BIN1: variants seen among roughly 807,000 people sequenced by gnomAD.
The protein encoded by BIN1 is bridging integrator 1, also known as myc box-dependent-interacting protein 1.
BIN1 carries 53 observed loss-of-function variants against 82.0 expected under a neutral mutation model. The ratio of observed to expected loss-of-function variants is 0.65; its 90% CI spans 0.52 to 0.81. The LOEUF (loss-of-function observed/expected upper bound fraction) is 0.81. BIN1 is among the 40% of genes least tolerant of loss of function. BIN1 has a pLI of 0.00. For synonymous variants in BIN1, 302 were observed against 328.0 expected (o/e 0.92, Z 0.86); for missense variants, 642 against 784.4 (o/e 0.82, Z 2.17).
chr2:127,050,570 C>A, intron 17 of BIN1, 48 bp from the exon 18 acceptor site: 1 of 1,601,556 alleles, frequency 6.2e-7, no homozygotes, highest in Non-Finnish European at 8.6e-7. Context: ...CCACCTCCAG[C>A]CCTGCACAGA....
At chr2:127,081,778 C>T in intron 1 of BIN1, 1 of 1,283,258 alleles carries the variant, frequency 7.8e-7, no homozygotes, top group South Asian at 1.2e-5. Context: ...AATCTCCCTC[C>T]CAGGCACCCA....
Position 127,079,376 on chromosome 2 carries a change from C to T in BIN1, c.85-2670G>A, listed in dbSNP as rs75416520. On this transcript the variant is annotated intron_variant, in intron 1 of 18. Transcript: ENST00000316724. Reference sequence around the variant, plus strand: ...AGAGCAGTACCTGGCCCATGATATTCAAGAAATGGCAAATCCCTAAAAGGC... The same window carrying T: ...AGAGCAGTACCTGGCCCATGATATTTAAGAAATGGCAAATCCCTAAAAGGC... 4.0e-4 allele frequency among the ~76,000 whole-genome samples: 61 copies of T among 152,352 alleles called. 1 individual carries two copies. The highest frequency in any genetic ancestry group is 3.7e-3 in the South Asian group (18 of 4,828).
intron 1 of BIN1, among the ~76,000 whole-genome samples, chr2:127,106,046 C>G (rs1414871449): frequency 6.6e-6 from 1 of 152,240 alleles, no homozygotes; most frequent in East Asian, 1.9e-4. Context: ...GGCCCCGGCT[C>G]CATCCCCCAT....
At position 127,057,154 on chromosome 2, in the gene BIN1, C is replaced by G. The variant is rs1683790654; in HGVS notation, c.1131+319G>C. The stretch of plus-strand genomic sequence containing the variant: ...CCCTGGAAGCCTTCCCTGACAGCCA[C>G]ACGTCCTCCACACTCCCCGATCCCC... On this transcript the variant is annotated intron_variant, in intron 12 of 18. Transcript: ENST00000316724. The surrounding 1 kb of genome is among the most constrained non-coding windows in gnomAD (Gnocchi z 5.0). Among the ~76,000 whole-genome samples, 1 of 152,232 alleles carries G rather than the reference C, an allele frequency of 6.6e-6. No individual in the cohort carries two copies. Among genetic ancestry groups the G allele is most frequent in the African/African-American group, 2.4e-5 (1 of 41,464 alleles).
intron 1 of BIN1, among the ~76,000 whole-genome samples, chr2:127,094,002 C>T (rs1679266162): frequency 6.6e-6 from 1 of 152,190 alleles, no homozygotes; most frequent in Non-Finnish European, 1.5e-5. Context: ...TGGCCTAAGG[C>T]CCTGCTCCCT....
At chr2:127,088,233 C>A (rs1678441286) in intron 1 of BIN1, among the ~76,000 whole-genome samples, 2 of 152,180 alleles carry the variant, frequency 1.3e-5, no homozygotes, top group Non-Finnish European at 2.9e-5. Context: ...AGAATCAGAG[C>A]CTCCCCTGCC....
chr2:127,052,533 C>T lies in BIN1; in HGVS notation c.1264-171G>A, dbSNP rs1419149140. 143 of 623,884 alleles carry T rather than the reference C, an allele frequency of 2.3e-4. No homozygotes were observed. The East Asian group carries it at 3.7e-3, about 16-fold the overall frequency. 38.6% of individuals were successfully genotyped at this position (623,884 alleles called of 1,614,324 possible). On this transcript the variant is annotated intron_variant, in intron 14 of 18. Transcript: ENST00000316724. ...CCACCCGCCTCCCACATCCTCTCTC[C>T]TACCACTGTCAAAGGGACAGGCAGG...
intron 1 of BIN1, among the ~76,000 whole-genome samples, chr2:127,088,693 C>T (rs1368303137): frequency 1.3e-5 from 2 of 151,316 alleles, no homozygotes; most frequent in Admixed American, 6.6e-5. Context: ...GATCCAGGAC[C>T]GCACCACTGC....
At chr2:127,094,691 GC>G (rs1679366893) in intron 1 of BIN1, among the ~76,000 whole-genome samples, 1 of 152,250 alleles carries the variant, frequency 6.6e-6, no homozygotes, top group Non-Finnish European at 1.5e-5. Context: ...GTGGCACAAA[GC>G]CGGACGCTGG....
rs1481015549 is a variant in BIN1 at position 127,063,972 on chromosome 2, T to C, written c.659A>G (p.Asn220Ser). Residue 220 changes from asparagine to serine, a missense_variant, in exon 8 of 19, where the codon AAT (asparagine) becomes AGT (serine). Coordinates refer to ENST00000316724, the MANE Select transcript of BIN1 (RefSeq NM_139343.3). ...IKAQKVFEEM[N>S]VDLQEELPSL... ...CGGCAGCTCCTCCTGCAGATCCACA[T>C]TCATCTCCTCAAACACCTTCTGGGC... The C allele has an allele frequency of 1.2e-6, 2 of 1,613,894 alleles. No individual in the cohort carries two copies. The highest frequency in any genetic ancestry group is 1.7e-6 in the Non-Finnish European group (2 of 1,180,010).
chr2:127,061,455 C>T (rs767513101), intron 10 of BIN1, among the ~76,000 whole-genome samples: 23 of 152,226 alleles, frequency 1.5e-4, no homozygotes, highest in Non-Finnish European at 2.4e-4. Flanking sequence ...CACACACTTA[C>T]ACCTGTCACA....
chr2:127,069,719 C>T (rs1558832856), intron 5 of BIN1, among the ~76,000 whole-genome samples: 1 of 148,398 alleles, frequency 6.7e-6, no homozygotes, highest in Non-Finnish European at 1.5e-5. Context: ...ATATAGCCAG[C>T]CACTCCGCAG....
Position 127,070,743 on chromosome 2 carries a change from C to A in BIN1, c.220+19G>T, listed in dbSNP as rs775915004. The stretch of plus-strand genomic sequence containing the variant: ...CCACCAGCTCTACACGGGCCAGGTG[C>A]GCTCTGCCTGCCTCCTACCTTTGAC... On this transcript the variant is annotated intron_variant, in intron 3 of 18. Transcript: ENST00000316724. 2 of 1,613,968 alleles carry A rather than the reference C, an allele frequency of 1.2e-6. No individual in the cohort carries two copies. The highest frequency in any genetic ancestry group is 1.7e-6 in the Non-Finnish European group (2 of 1,179,992).
chr2:127,105,406 C>CT (rs1025729166), intron 1 of BIN1, among the ~76,000 whole-genome samples: 1 of 151,876 alleles, frequency 6.6e-6, no homozygotes, highest in African/African-American at 2.4e-5. Context: ...GTGCTGCCAC[C>CT]CCCCCACCCC....
At chr2:127,079,308 G>A (rs1687005921) in intron 1 of BIN1, among the ~76,000 whole-genome samples, 3 of 152,188 alleles carry the variant, frequency 2.0e-5, no homozygotes, top group Admixed American at 1.3e-4. Context: ...AGTGAACACT[G>A]GCACCCTCCT....
intron 12 of BIN1, chr2:127,055,293 C>G (rs1437910706): frequency 6.6e-6 from 1 of 152,360 alleles, no homozygotes. Context: ...GTCCTCAGTC[C>G]TAAGAGGACC....
rs372032110 is a variant in BIN1 at position 127,068,872 on chromosome 2, G to A, written c.519+52C>T. 2.5e-5 allele frequency: 39 copies of A among 1,538,136 alleles called. No individual in the cohort carries two copies. The highest frequency in any genetic ancestry group is 1.9e-4 in the South Asian group (17 of 89,580). ...TCCACCCTCGGGGTCCTAGACACCC[G>A]CCCTCTCTCAGCCCCCTGCAGACGC... On this transcript the variant is annotated intron_variant, in intron 6 of 18. Coordinates refer to ENST00000316724, the MANE Select transcript of BIN1 (RefSeq NM_139343.3). The surrounding 1 kb of genome is among the most constrained non-coding windows in gnomAD (Gnocchi z 4.9).
intron 2 of BIN1, among the ~76,000 whole-genome samples, chr2:127,073,805 AG>A (rs1214964634): frequency 6.6e-6 from 1 of 152,150 alleles, no homozygotes; most frequent in Non-Finnish European, 1.5e-5. Flanking sequence ...GACGGACCCT[AG>A]GAAGAAGAGC....
intron 1 of BIN1, among the ~76,000 whole-genome samples, chr2:127,097,386 G>GCCCTCCAGGCCCAGCAGCGTCAC (rs758980657): frequency 2.0e-5 from 3 of 149,612 alleles, no homozygotes; most frequent in South Asian, 4.3e-4. Context: ...AGCAGCGTCA[G>GCCCTCCAGGCCCAGCAGCGTCAC]CCCTCCAGGC....
Sources: gnomAD v4.1 joint callset for allele counts (sites outside exome capture counted in the v4.1 genomes callset) on GRCh38, gnomAD v4.1.1 for gene constraint, Gnocchi (gnomAD v3.1) non-coding constraint, MANE v1.5 for transcripts, NCBI Gene and HGNC (gene_info 2026-07-23, HGNC 2026-07-21) for gene names.